Variants in SIPA1L2 observed in about 807,000 individuals in gnomAD.
SIPA1L2 encodes signal induced proliferation associated 1 like 2.
A neutral mutation model predicts 163.9 loss-of-function variants in SIPA1L2; 56 were observed. The ratio of observed to expected loss-of-function variants is 0.34; its 90% CI spans 0.28 to 0.43. The LOEUF (loss-of-function observed/expected upper bound fraction) is 0.43, where lower values mean the gene tolerates loss of function less well. SIPA1L2 is among the 20% of genes least tolerant of loss of function. The probability of loss-of-function intolerance (pLI) is 1.00; values close to 1 mark genes in which losing one functional copy is unlikely to be tolerated. For synonymous variants in SIPA1L2, 877 were observed against 865.7 expected, an observed-to-expected ratio of 1.01 and a Z score of -0.23; for missense variants, 1,974 against 2,193.5, an observed-to-expected ratio of 0.90 and a Z score of 2.00.
intron 19 of SIPA1L2, among the ~76,000 whole-genome samples, chr1:232,407,007 A>G (rs1231562632): frequency 1.3e-5 from 2 of 152,234 alleles, no homozygotes; most frequent in Admixed American, 6.5e-5. Context: ...CTAGGAAAGG[A>G]AAAAAGGCTG....
At chr1:232,618,650 T>G (rs1662632463) in intron 1 of SIPA1L2, among the ~76,000 whole-genome samples, 1 of 109,572 alleles carries the variant, frequency 9.1e-6, no homozygotes, top group Admixed American at 9.7e-5. Flanking sequence ...TGAGACTCCA[T>G]CTCAAAAAAA....
intron 2 of SIPA1L2, among the ~76,000 whole-genome samples, chr1:232,527,725 CTT>C (rs57868657): frequency 0.015 from 1,220 of 80,856 alleles, 5 homozygotes; most frequent in African/African-American, 0.06. Context: ...TCTTCTTCTT[CTT>C]TTTTTTTTTT....
intron 1 of SIPA1L2, among the ~76,000 whole-genome samples, chr1:232,580,619 G>A (rs1166821426): frequency 6.6e-6 from 1 of 152,162 alleles, no homozygotes; most frequent in Non-Finnish European, 1.5e-5. Flanking sequence ...GCCTCATGAT[G>A]CAGATGAAAC....
At chr1:232,433,061 A>T (rs563286231) in intron 15 of SIPA1L2, among the ~76,000 whole-genome samples, 27 of 152,326 alleles carry the variant, frequency 1.8e-4, no homozygotes, top group African/African-American at 5.5e-4. Context: ...GCGCACACAC[A>T]CAGCAAACCC....
intron 1 of SIPA1L2, among the ~76,000 whole-genome samples, chr1:232,597,416 A>G (rs188055846): frequency 0.015 from 2,243 of 151,552 alleles, 31 homozygotes; most frequent in Non-Finnish European, 0.02. Context: ...GGTGGCTCAC[A>G]CCTGTAATCC....
intron 12 of SIPA1L2, 21 bp downstream of exon 12, chr1:232,443,581 T>C: frequency 1.3e-6 from 2 of 1,549,566 alleles, no homozygotes; most frequent in Non-Finnish European, 1.7e-6. Context: ...AGTGGATAAC[T>C]AAGATAAAAA....
chr1:232,437,966 G>A lies in SIPA1L2; in HGVS notation c.4031+1142C>T, dbSNP rs560468521. Among the ~76,000 whole-genome samples the A allele has an allele frequency of 3.9e-5, 6 of 152,128 alleles. No individual in the cohort carries two copies. The South Asian group carries it at 8.3e-4, about 21-fold the overall frequency. On this transcript the variant is annotated intron_variant, in intron 15 of 22. Coordinates refer to ENST00000674635, the MANE Select transcript of SIPA1L2 (RefSeq NM_020808.5). ...GTCCTGGGCAGTATCATTTTGAGAC[G>A]CTGGGTCAAGCAGAACCTTGAAGTG...
At chr1:232,614,256 A>G (rs1479310265) in intron 1 of SIPA1L2, among the ~76,000 whole-genome samples, 1 of 152,150 alleles carries the variant, frequency 6.6e-6, no homozygotes, top group Non-Finnish European at 1.5e-5. Flanking sequence ...AGGCCTGTGT[A>G]AATGTTTACC....
chr1:232,478,805 C>G (rs1665170570), intron 7 of SIPA1L2, among the ~76,000 whole-genome samples: 1 of 135,896 alleles, frequency 7.4e-6, no homozygotes, highest in Non-Finnish European at 1.6e-5. Context: ...GAAACTCAAG[C>G]AGTAACATTC....
chr1:232,407,808 A>G (rs1306144926), intron 19 of SIPA1L2, among the ~76,000 whole-genome samples: 2 of 152,174 alleles, frequency 1.3e-5, no homozygotes, highest in Non-Finnish European at 2.9e-5. Flanking sequence ...AACATTATCC[A>G]TTCAACAAAT....
chr1:232,489,212 A>G (rs1665802091), intron 5 of SIPA1L2, among the ~76,000 whole-genome samples: 1 of 152,190 alleles, frequency 6.6e-6, no homozygotes, highest in Admixed American at 6.5e-5. Flanking sequence ...TACCTACCAC[A>G]TGGGTGGCAA....
At chr1:232,474,417 A>T (rs1019096725) in intron 7 of SIPA1L2, among the ~76,000 whole-genome samples, 4 of 152,226 alleles carry the variant, frequency 2.6e-5, no homozygotes, top group Admixed American at 6.5e-5. Context: ...AAGCATATAG[A>T]TGCTACAGAA....
At chr1:232,619,859 G>A (rs1662705571) in intron 1 of SIPA1L2, among the ~76,000 whole-genome samples, 1 of 152,082 alleles carries the variant, frequency 6.6e-6, no homozygotes, top group Non-Finnish European at 1.5e-5. Context: ...GCAATAGCAG[G>A]ATATTCTACT....
At chr1:232,432,571 C>A (rs1392273546) in intron 15 of SIPA1L2, 100 bp from the exon 16 acceptor site, 34 of 1,146,280 alleles carry the variant, frequency 3.0e-5, no homozygotes. Context: ...AAGTCTTTCT[C>A]CGAGAGCAAA....
chr1:232,617,440 G>A (rs927568926), intron 1 of SIPA1L2, among the ~76,000 whole-genome samples: 2 of 152,200 alleles, frequency 1.3e-5, no homozygotes, highest in African/African-American at 4.8e-5. Flanking sequence ...AAAATCATCT[G>A]ACAAATGGAT....
At position 232,433,312 on chromosome 1, in the gene SIPA1L2, C is replaced by T. The variant is rs117811771; in HGVS notation, c.4032-841G>A. 1.4e-4 allele frequency among the ~76,000 whole-genome samples: 22 copies of T among 152,206 alleles called. No individual in the cohort carries two copies. The East Asian group carries it at 4.2e-3, about 29-fold the overall frequency. ...GAATACAATGATCATGAGCCAGTTG[C>T]TTAATAAAGTTCATAAACAGGTAAA... On this transcript the variant is annotated intron_variant, in intron 15 of 22. Transcript: ENST00000674635.
At chr1:232,497,237 G>A (rs1028069122) in intron 3 of SIPA1L2, among the ~76,000 whole-genome samples, 4 of 152,182 alleles carry the variant, frequency 2.6e-5, no homozygotes, top group African/African-American at 9.7e-5. Context: ...TACACTGATT[G>A]TGGCAATGGT....
At chr1:232,424,248 T>C (rs1661748615) in intron 18 of SIPA1L2, among the ~76,000 whole-genome samples, 1 of 140,206 alleles carries the variant, frequency 7.1e-6, no homozygotes, top group Middle Eastern at 4.3e-3. Context: ...AGGAGGTATA[T>C]GGAAAACCCC....
At position 232,486,249 on chromosome 1, in the gene SIPA1L2, C is replaced by G. The variant is rs12563843; in HGVS notation, c.1807-2283G>C. Among the ~76,000 whole-genome samples, 5,607 of 152,238 alleles carry G rather than the reference C, an allele frequency of 0.037. 969 individuals are homozygous for G. The East Asian group carries it at 0.57, about 15-fold the overall frequency. On this transcript the variant is annotated intron_variant, in intron 5 of 22. Transcript: ENST00000674635. ...CTCACTTCCTCTCTGACTCGGAGAG[C>G]CTTGTGGGCTTGCTATTTCTTGTGA...
Sources: gnomAD v4.1 joint callset for allele counts (sites outside exome capture counted in the v4.1 genomes callset) on GRCh38, gnomAD v4.1.1 for gene constraint, MANE v1.5 for transcripts, NCBI Gene and HGNC (gene_info 2026-07-23, HGNC 2026-07-21) for gene names.